The following COL9A1 variants were observed in gnomAD, a reference collection of about 807,000 sequenced individuals.
The protein encoded by COL9A1 is collagen alpha-1(IX) chain.
In COL9A1, 104 loss-of-function variants were observed where a neutral mutation model predicts 142.6. The ratio of observed to expected loss-of-function variants is 0.73; its 90% confidence interval spans 0.62 to 0.86. The LOEUF is 0.86. Ranked by LOEUF, COL9A1 falls within the 40% of genes least tolerant of loss-of-function variation. COL9A1 has a pLI of 0.00. For missense variants in COL9A1, 1,210 were observed against 1,176.6 expected (o/e 1.03, Z -0.42); for synonymous variants, 466 against 396.0 (o/e 1.18, Z -2.10).
At chr6:70,252,450 T>C in intron 26 of COL9A1, 135 bp from the exon 27 acceptor site, 1 of 790,034 alleles carries the variant, frequency 1.3e-6, no homozygotes, top group Non-Finnish European at 2.2e-6. Context: ...TCTGGGAATG[T>C]GCAGAATCTC....
At chr6:70,296,696 TA>T (rs1445901860) in intron 4 of COL9A1, among the ~76,000 whole-genome samples, 1 of 152,144 alleles carries the variant, frequency 6.6e-6, no homozygotes, top group African/African-American at 2.4e-5. Context: ...CTTACCTCAA[TA>T]AATTTGGAGC....
At chr6:70,238,141 T>C (rs959650070) in intron 33 of COL9A1, among the ~76,000 whole-genome samples, 2 of 152,212 alleles carry the variant, frequency 1.3e-5, no homozygotes, top group African/African-American at 2.4e-5. Context: ...GGTTTTATTT[T>C]TTTAAAAAAT....
intron 37 of COL9A1, among the ~76,000 whole-genome samples, chr6:70,220,562 C>T (rs1768818042): frequency 6.7e-6 from 1 of 149,606 alleles, no homozygotes; most frequent in African/African-American, 2.5e-5. Flanking sequence ...GTAGAAATAC[C>T]AGAGAAAAAA....
chr6:70,257,885 T>A (rs1771422147), intron 20 of COL9A1, among the ~76,000 whole-genome samples: 1 of 152,148 alleles, frequency 6.6e-6, no homozygotes, highest in Non-Finnish European at 1.5e-5. Context: ...GAATAAGAAG[T>A]CCAGCCACAT....
At chr6:70,234,257 T>TGTGTGCGC (rs1032032453) in intron 35 of COL9A1, among the ~76,000 whole-genome samples, 41 of 146,056 alleles carry the variant, frequency 2.8e-4, no homozygotes, top group African/African-American at 9.5e-4. Flanking sequence ...TGTGTGTGTG[T>TGTGTGCGC]GCACTTTGTT....
intron 20 of COL9A1, among the ~76,000 whole-genome samples, chr6:70,260,289 C>T (rs183928664): frequency 6.6e-6 from 1 of 152,156 alleles, no homozygotes; most frequent in African/African-American, 2.4e-5. Flanking sequence ...CACCTGTAAT[C>T]CCAGTACTTT....
intron 10 of COL9A1, among the ~76,000 whole-genome samples, chr6:70,279,348 T>C (rs75133765): frequency 1.3e-3 from 204 of 151,610 alleles, no homozygotes; most frequent in Admixed American, 3.5e-3. Context: ...CAGTTTTTAC[T>C]ATCTAAATAT....
chr6:70,272,953 T>C (rs780505032), intron 12 of COL9A1, among the ~76,000 whole-genome samples: 2 of 152,188 alleles, frequency 1.3e-5, no homozygotes, highest in African/African-American at 4.8e-5. Flanking sequence ...CTCTCCTACA[T>C]TGGTTAGAAT....
At chr6:70,294,099 C>T (rs1773755353) in intron 5 of COL9A1, 68 bp downstream of exon 5, 2 of 1,584,666 alleles carry the variant, frequency 1.3e-6, no homozygotes, top group Non-Finnish European at 1.7e-6. Context: ...ATCAAAGATG[C>T]TTGAGATGTT....
At chr6:70,249,432 C>CT (rs1300907090) in intron 28 of COL9A1, among the ~76,000 whole-genome samples, 3 of 152,054 alleles carry the variant, frequency 2.0e-5, no homozygotes, top group African/African-American at 7.2e-5. Flanking sequence ...CAGCAATATC[C>CT]TTTTGGGAGA....
chr6:70,285,344 G>T (rs372532681), intron 5 of COL9A1, among the ~76,000 whole-genome samples: 2 of 152,096 alleles, frequency 1.3e-5, no homozygotes, highest in African/African-American at 4.8e-5. Context: ...TACAACAACC[G>T]TTTTTTGGCA....
chr6:70,280,095 A>C (rs1423443642), intron 10 of COL9A1: 1 of 649,312 alleles, frequency 1.5e-6, no homozygotes, highest in East Asian at 2.7e-5. Flanking sequence ...TACTCTGAAG[A>C]AGTATTATTT....
chr6:70,257,201 C>T (rs1450925577), intron 20 of COL9A1, among the ~76,000 whole-genome samples: 2 of 152,140 alleles, frequency 1.3e-5, no homozygotes, highest in East Asian at 3.9e-4. Context: ...GCTGGGACTA[C>T]AGGCGCACGC....
intron 1 of COL9A1, 27 bp downstream of exon 1, chr6:70,302,884 C>G: frequency 6.2e-7 from 1 of 1,613,652 alleles, no homozygotes; most frequent in Non-Finnish European, 8.5e-7. Context: ...CATCTCCCCA[C>G]CACTCTTTCC....
chr6:70,235,545 A>T (rs2127560473), intron 33 of COL9A1, among the ~76,000 whole-genome samples: 1 of 152,274 alleles, frequency 6.6e-6, no homozygotes, highest in South Asian at 2.1e-4. Context: ...TAAAAACTAC[A>T]TTCTTCATAC....
In COL9A1 at chr6:70,267,644, C is replaced by T. The variant is rs543532884; in HGVS notation, c.1288-874G>A. On this transcript the variant is annotated intron_variant, in intron 17 of 37. Transcript: ENST00000357250. ...GCCTACTGTGTACAGTTTTTAAGTGCAAAGGGAAAGCAATAAAGGGCAGTG... is the reference window on the plus strand; with the variant it reads ...GCCTACTGTGTACAGTTTTTAAGTGTAAAGGGAAAGCAATAAAGGGCAGTG... Among the ~76,000 whole-genome samples, 7 of 152,208 alleles carry T rather than the reference C, an allele frequency of 4.6e-5. No homozygotes were observed. In the East Asian group the frequency reaches 1.4e-3, roughly 29 times the overall value.
chr6:70,242,291 A>G (rs1004171645), intron 29 of COL9A1: 34 of 584,924 alleles, frequency 5.8e-5, no homozygotes, highest in Middle Eastern at 4.5e-4. Context: ...TTTTTCAGTC[A>G]AGCCCCCGCC....
intron 18 of COL9A1, among the ~76,000 whole-genome samples, chr6:70,266,448 T>C (rs1772021093): frequency 6.6e-6 from 1 of 152,172 alleles, no homozygotes; most frequent in African/African-American, 2.4e-5. Flanking sequence ...CTGAGTGTGA[T>C]TGATTTGAAA....
intron 28 of COL9A1, among the ~76,000 whole-genome samples, chr6:70,244,742 T>C (rs1770484086): frequency 6.6e-6 from 1 of 152,234 alleles, no homozygotes; most frequent in Non-Finnish European, 1.5e-5. Flanking sequence ...ATCTTTGATT[T>C]ATTTGGGGGA....
Sources: allele counts gnomAD v4.1 joint callset (sites outside exome capture counted in the v4.1 genomes callset), GRCh38; gene constraint gnomAD v4.1.1; transcripts MANE v1.5; gene names NCBI Gene and HGNC (gene_info 2026-07-23, HGNC 2026-07-21).